Variants in CACNG2 observed in about 807,000 individuals in gnomAD.
CACNG2 encodes the protein calcium voltage-gated channel auxiliary subunit gamma 2, also known as voltage-dependent calcium channel gamma-2 subunit.
A neutral mutation model predicts 25.9 loss-of-function variants in CACNG2; 3 were observed. The observed-to-expected ratio is 0.12, with a 90% CI of 0.05 to 0.30. The LOEUF is 0.30. Ranked by LOEUF, CACNG2 falls within the 10% of genes least tolerant of loss-of-function variation. The probability of loss-of-function intolerance (pLI) is 1.00; values close to 1 mark genes in which losing one functional copy is unlikely to be tolerated. For missense variants in CACNG2, 341 were observed against 432.5 expected, an observed-to-expected ratio of 0.79 and a Z score of 1.88; for synonymous variants, 167 against 173.3, an observed-to-expected ratio of 0.96 and a Z score of 0.29.
chr22:36,659,685 A>G (rs902752857), intron 1 of CACNG2, among the ~76,000 whole-genome samples: 3 of 151,984 alleles, frequency 2.0e-5, no homozygotes, highest in African/African-American at 4.8e-5. Context: ...GTGCGGGGAC[A>G]CAGGCACACA....
intron 1 of CACNG2, among the ~76,000 whole-genome samples, chr22:36,670,312 G>A (rs1936930857): frequency 6.6e-6 from 1 of 152,044 alleles, no homozygotes; most frequent in Non-Finnish European, 1.5e-5. Context: ...CCCAGCTTTT[G>A]GGACCTAACA....
At chr22:36,591,902 C>T (rs534665238) in intron 1 of CACNG2, among the ~76,000 whole-genome samples, 4 of 151,754 alleles carry the variant, frequency 2.6e-5, no homozygotes, top group South Asian at 2.1e-4. Context: ...ATTTTCCCAA[C>T]GAAATGGGAA....
intron 2 of CACNG2, among the ~76,000 whole-genome samples, chr22:36,571,893 A>C (rs1042618003): frequency 4.6e-5 from 7 of 152,092 alleles, no homozygotes; most frequent in African/African-American, 1.2e-4. Context: ...AAAAAAAAAA[A>C]AAAAAAGAAT....
At chr22:36,634,288 G>A (rs181843239) in intron 1 of CACNG2, among the ~76,000 whole-genome samples, 7 of 152,322 alleles carry the variant, frequency 4.6e-5, no homozygotes, top group Non-Finnish European at 5.9e-5. Flanking sequence ...TGGGATGTAT[G>A]TCACTTCTAA....
intron 1 of CACNG2, among the ~76,000 whole-genome samples, chr22:36,588,475 G>A (rs931611790): frequency 6.6e-6 from 1 of 152,128 alleles, no homozygotes; most frequent in African/African-American, 2.4e-5. Flanking sequence ...CCAGAGCATC[G>A]GCTTCCTGAC....
intron 1 of CACNG2, among the ~76,000 whole-genome samples, chr22:36,663,607 A>G (rs1310001984): frequency 1.3e-5 from 2 of 152,182 alleles, no homozygotes; most frequent in African/African-American, 2.4e-5. Flanking sequence ...GGGACCTTTA[A>G]TCTTTATTAA....
chr22:36,679,168 TCCTTCCTTCCTTC>T (rs1937055441), intron 1 of CACNG2, among the ~76,000 whole-genome samples: 2 of 118,432 alleles, frequency 1.7e-5, no homozygotes, highest in South Asian at 5.8e-4. Flanking sequence ...CTTCCTTCCT[TCCTTCCTTCCTTC>T]CTTCCTTCCT....
At position 36,703,713 on chromosome 22, in the gene CACNG2, C is replaced by T. The variant is rs529590002; in HGVS notation, c.-1137G>A. On this transcript the variant is annotated 5_prime_UTR_variant, in exon 1 of 4. Coordinates refer to ENST00000300105, the MANE Select transcript of CACNG2 (RefSeq NM_006078.5). The stretch of plus-strand genomic sequence containing the variant: ...TCCCAAATCCTAAAATGAGCGCTCT[C>T]CTGGGCTCCCGGAGCTTAGAGGAAG... Among the ~76,000 whole-genome samples, 4 of 151,512 alleles carry T rather than the reference C, an allele frequency of 2.6e-5. No individual in the cohort carries two copies. The highest frequency in any genetic ancestry group is 9.7e-5 in the African/African-American group (4 of 41,280).
chr22:36,683,665 T>C (rs981948044), intron 1 of CACNG2, among the ~76,000 whole-genome samples: 1 of 152,176 alleles, frequency 6.6e-6, no homozygotes, highest in African/African-American at 2.4e-5. Flanking sequence ...AATCCTTCTA[T>C]GCTTGGAAGG....
intron 1 of CACNG2, among the ~76,000 whole-genome samples, chr22:36,657,890 G>C (rs1158995409): frequency 6.6e-6 from 1 of 151,972 alleles, no homozygotes; most frequent in South Asian, 2.1e-4. Context: ...TATGGTGCTG[G>C]GGCAAAGAAA....
At chr22:36,649,820 T>A (rs780870362) in intron 1 of CACNG2, among the ~76,000 whole-genome samples, 16 of 152,208 alleles carry the variant, frequency 1.1e-4, no homozygotes, top group Non-Finnish European at 2.2e-4. Flanking sequence ...TGCTGCCATG[T>A]AAGACATCCC....
intron 1 of CACNG2, among the ~76,000 whole-genome samples, chr22:36,666,923 T>A (rs1030539613): frequency 1.3e-5 from 2 of 151,864 alleles, no homozygotes; most frequent in Non-Finnish European, 2.9e-5. Context: ...GGCCTTGCTC[T>A]TCTTTCTTTC....
intron 1 of CACNG2, among the ~76,000 whole-genome samples, chr22:36,655,686 C>CTTTCTTTCTCTTCCTTT (rs1390052293): frequency 6.6e-6 from 1 of 150,716 alleles, no homozygotes; most frequent in Non-Finnish European, 1.5e-5. Context: ...TTCCTTTCTT[C>CTTTCTTTCTCTTCCTTT]CTTCCTTCCT....
intron 1 of CACNG2, among the ~76,000 whole-genome samples, chr22:36,605,769 C>G (rs1181959029): frequency 1.3e-5 from 2 of 152,158 alleles, no homozygotes; most frequent in African/African-American, 4.8e-5. Flanking sequence ...CACACAGTCT[C>G]TACTTTGAAG....
intron 2 of CACNG2, among the ~76,000 whole-genome samples, chr22:36,573,399 C>T (rs1002999515): frequency 1.3e-5 from 2 of 152,060 alleles, no homozygotes; most frequent in Non-Finnish European, 2.9e-5. Context: ...GGCGTGATCT[C>T]GGCTCACTGT....
intron 1 of CACNG2, among the ~76,000 whole-genome samples, chr22:36,695,453 C>G (rs1230942662): frequency 1.3e-5 from 2 of 151,758 alleles, no homozygotes; most frequent in African/African-American, 2.4e-5. Context: ...CCACTTGCCC[C>G]TCCCACCCCA....
intron 1 of CACNG2, among the ~76,000 whole-genome samples, chr22:36,602,398 T>TA: frequency 6.6e-6 from 1 of 152,070 alleles, no homozygotes; most frequent in East Asian, 1.9e-4. Context: ...TATATATATA[T>TA]TTTTTGAGAC....
Position 36,579,404 on chromosome 22 carries a change from C to CAAAAA in CACNG2, c.295+8056_295+8060dup, listed in dbSNP as rs34224180. Among the ~76,000 whole-genome samples, 36 of 47,164 alleles carry CAAAAA rather than the reference C, an allele frequency of 7.6e-4. 1 individual carries two copies. The highest frequency in any genetic ancestry group is 1.9e-3 in the African/African-American group (20 of 10,444). 30.9% of individuals were successfully genotyped at this position (47,164 alleles called of 152,430 possible). A position where few individuals can be genotyped will look rare whatever the true frequency, so the allele number is the denominator to read the frequency against. ...GGGCAACAAAAGTGAAACTCTGTCT[C>CAAAAA]AAAAAAAAAAAAAAAAAAAAAAAAA... On this transcript the variant is annotated intron_variant, in intron 2 of 3. Transcript: ENST00000300105.
intron 1 of CACNG2, among the ~76,000 whole-genome samples, chr22:36,625,661 A>T (rs1204141521): frequency 6.6e-6 from 1 of 152,224 alleles, no homozygotes; most frequent in Non-Finnish European, 1.5e-5. Context: ...GCTTTGTCTG[A>T]CTTGATAAAG....
Sources: gnomAD v4.1 joint callset for allele counts (sites outside exome capture counted in the v4.1 genomes callset) on GRCh38, gnomAD v4.1.1 for gene constraint, MANE v1.5 for transcripts, NCBI Gene and HGNC (gene_info 2026-07-23, HGNC 2026-07-21) for gene names.